Variants in C8orf34 observed in about 807,000 individuals in gnomAD.
The protein encoded by C8orf34 is uncharacterized protein C8orf34.
Under a neutral mutation model 68.3 loss-of-function variants are expected in C8orf34, and 65 were observed. That is an observed-to-expected ratio of 0.95 (90% CI 0.78 to 1.17). C8orf34 has a LOEUF of 1.17. Ranked by LOEUF, C8orf34 falls within the 50% of genes most tolerant of loss-of-function variation. The pLI is 0.00. For synonymous variants in C8orf34, 244 were observed against 241.2 expected (o/e 1.01, Z -0.11); for missense variants, 664 against 655.4 (o/e 1.01, Z -0.14).
In C8orf34 at chr8:68,508,897, C is replaced by T. The variant is rs140660366; in HGVS notation, c.766-12902C>T. Among the ~76,000 whole-genome samples the T allele has an allele frequency of 3.5e-3, 529 of 152,206 alleles. 1 individual carries two copies. Among genetic ancestry groups the T allele is most frequent in the African/African-American group, 0.011 (440 of 41,558 alleles). On this transcript the variant is annotated intron_variant, in intron 5 of 13. Transcript: ENST00000518698. ...AAGAAAAGGGGGAAACAGGGACTCTCGCTAGGCCAGAGTCCCTGCTAGAGT... is the reference window on the plus strand; with the variant it reads ...AAGAAAAGGGGGAAACAGGGACTCTTGCTAGGCCAGAGTCCCTGCTAGAGT...
At chr8:68,655,386 GA>G (rs2130792250) in intron 8 of C8orf34, among the ~76,000 whole-genome samples, 1 of 152,262 alleles carries the variant, frequency 6.6e-6, no homozygotes, top group South Asian at 2.1e-4. Context: ...TCATGAATTA[GA>G]AAGCATTTAA....
intron 12 of C8orf34, among the ~76,000 whole-genome samples, chr8:68,795,929 T>A (rs1824166273): frequency 6.6e-6 from 1 of 152,242 alleles, no homozygotes; most frequent in South Asian, 2.1e-4. Flanking sequence ...AGGTTCTCAC[T>A]GAGTGAGCTT....
intron 8 of C8orf34, among the ~76,000 whole-genome samples, chr8:68,703,771 T>C (rs551632928): frequency 3.9e-5 from 6 of 152,176 alleles, no homozygotes; most frequent in East Asian, 3.9e-4. Flanking sequence ...TCATGCTGTG[T>C]TGCCTTTCCT....
chr8:68,805,403 T>TG (rs1027004381), intron 12 of C8orf34, among the ~76,000 whole-genome samples: 1 of 152,208 alleles, frequency 6.6e-6, no homozygotes, highest in Non-Finnish European at 1.5e-5. Flanking sequence ...CTGTATGTTT[T>TG]GGGGGGTGTT....
At chr8:68,352,060 GTTT>G (rs1281616882) in intron 1 of C8orf34, among the ~76,000 whole-genome samples, 1 of 151,890 alleles carries the variant, frequency 6.6e-6, no homozygotes, top group Non-Finnish European at 1.5e-5. Flanking sequence ...TTACTGTCGA[GTTT>G]TAAGGGTTCT....
rs533267100 is a variant in C8orf34, at chr8:68,750,695, GC to G, written c.1405-25703del. On this transcript the variant is annotated intron_variant, in intron 10 of 13. Transcript: ENST00000518698. ...AATCCACATGAATAGAGATTAATTT[GC>G]TTTGGTACACTGCTTTTGGAGAATC... Among the ~76,000 whole-genome samples, 17 of 152,274 alleles carry G rather than the reference GC, an allele frequency of 1.1e-4. No individual in the cohort carries two copies. The South Asian group carries it at 2.9e-3, about 26-fold the overall frequency.
chr8:68,617,916 G>A (rs1818274136), intron 7 of C8orf34, among the ~76,000 whole-genome samples: 2 of 152,172 alleles, frequency 1.3e-5, no homozygotes, highest in South Asian at 2.1e-4. Context: ...TCACTTTCAG[G>A]TACACCAATC....
At chr8:68,587,929 T>G (rs1439752928) in intron 7 of C8orf34, among the ~76,000 whole-genome samples, 1 of 152,178 alleles carries the variant, frequency 6.6e-6, no homozygotes. Flanking sequence ...ATAAAGTGTA[T>G]GTACAGATCA....
At chr8:68,460,054 G>C (rs186550317) in intron 3 of C8orf34, among the ~76,000 whole-genome samples, 251 of 152,318 alleles carry the variant, frequency 1.6e-3, no homozygotes, top group African/African-American at 5.5e-3. Flanking sequence ...AGGGGTGACA[G>C]ACGGCACCTG....
At chr8:68,470,138 A>C (rs1035501329) in intron 4 of C8orf34, among the ~76,000 whole-genome samples, 8 of 152,060 alleles carry the variant, frequency 5.3e-5, no homozygotes, top group African/African-American at 1.9e-4. Context: ...CTTTTGTAGA[A>C]AATAAGAGTA....
At chr8:68,532,135 C>T (rs930066709) in intron 6 of C8orf34, among the ~76,000 whole-genome samples, 1 of 152,006 alleles carries the variant, frequency 6.6e-6, no homozygotes, top group Admixed American at 6.6e-5. Context: ...TCTACCTCAG[C>T]GGCAAGAAAG....
rs184307315 is a variant in C8orf34 at position 68,708,554 on chromosome 8, G to A, written c.1242-440G>A. Reference sequence around the variant, plus strand: ...CATATCTCGACCCACAGGCCTTGAAGCTTAGGTTGGTTGATTTGCAAGATT... The same window carrying A: ...CATATCTCGACCCACAGGCCTTGAAACTTAGGTTGGTTGATTTGCAAGATT... On this transcript the variant is annotated intron_variant, in intron 8 of 13. Coordinates refer to ENST00000518698, the MANE Select transcript of C8orf34 (RefSeq NM_052958.4). 1.0e-3 allele frequency among the ~76,000 whole-genome samples: 156 copies of A among 152,290 alleles called. 1 individual carries two copies. Among genetic ancestry groups the A allele is most frequent in the African/African-American group, 3.6e-3 (150 of 41,566 alleles).
At chr8:68,563,324 A>G (rs1173265715) in intron 7 of C8orf34, among the ~76,000 whole-genome samples, 1 of 152,136 alleles carries the variant, frequency 6.6e-6, no homozygotes, top group East Asian at 1.9e-4. Flanking sequence ...GTCCTTTCAG[A>G]TTTTACAGTT....
chr8:68,468,699 G>A lies in C8orf34; in HGVS notation c.615G>A (p.Arg205=). 6.2e-7 allele frequency: 1 copy of A among 1,612,156 alleles called. No homozygotes were observed. Among genetic ancestry groups the A allele is most frequent in the Non-Finnish European group, 8.5e-7 (1 of 1,178,986 alleles). Residue 205 remains arginine, a synonymous_variant, in exon 4 of 14, where the codon AGG becomes AGA. Coordinates refer to ENST00000518698, the MANE Select transcript of C8orf34 (RefSeq NM_052958.4). ...CATTTTTTTTAAACATAGTGCCAAG[G>A]TCAGTAGAGCATCCAAAGTGGAACT... ...PPSPDSKSLP[R]SVEHPKWNWR...
At chr8:68,607,059 C>T (rs1271321882) in intron 7 of C8orf34, among the ~76,000 whole-genome samples, 8 of 151,980 alleles carry the variant, frequency 5.3e-5, no homozygotes, top group Non-Finnish European at 1.2e-4. Flanking sequence ...AATGAAAACT[C>T]CCATCTGTGT....
intron 12 of C8orf34, among the ~76,000 whole-genome samples, chr8:68,809,506 A>G (rs974799518): frequency 6.6e-6 from 1 of 151,746 alleles, no homozygotes; most frequent in Admixed American, 6.6e-5. Flanking sequence ...GGAGCCAGCC[A>G]TGGTGCATGC....
intron 8 of C8orf34, among the ~76,000 whole-genome samples, chr8:68,686,189 G>A (rs572206270): frequency 6.6e-6 from 1 of 151,824 alleles, no homozygotes; most frequent in Non-Finnish European, 1.5e-5. Context: ...ATGGATTCAC[G>A]GCTGAATTCT....
chr8:68,709,156 A>C, intron 9 of C8orf34, 77 bp downstream of exon 9: 1 of 1,086,170 alleles, frequency 9.2e-7, no homozygotes, highest in Non-Finnish European at 1.4e-6. Context: ...AAAAAAACTA[A>C]ACCAAACATC....
chr8:68,387,627 T>C (rs1440477976), intron 1 of C8orf34, among the ~76,000 whole-genome samples: 1 of 151,888 alleles, frequency 6.6e-6, no homozygotes, highest in Non-Finnish European at 1.5e-5. Context: ...TGGATGGAGA[T>C]TTACCATAGG....
Sources: allele counts gnomAD v4.1 joint callset (sites outside exome capture counted in the v4.1 genomes callset), GRCh38; gene constraint gnomAD v4.1.1; transcripts MANE v1.5; gene names NCBI Gene and HGNC (gene_info 2026-07-23, HGNC 2026-07-21).